The following SEMA6D variants were observed in gnomAD, a reference collection of about 807,000 sequenced individuals.
SEMA6D encodes the protein semaphorin 6D, also known as semaphorin-6D.
A neutral mutation model predicts 106.6 loss-of-function variants in SEMA6D; 35 were observed. That is an observed-to-expected ratio of 0.33 (90% CI 0.25 to 0.44). The LOEUF (loss-of-function observed/expected upper bound fraction) is 0.44. Among genes scored for constraint, SEMA6D ranks in the 20% least tolerant of loss-of-function variants. The pLI is 1.00. For missense variants in SEMA6D, 1,185 were observed against 1,345.9 expected (o/e 0.88, Z 1.87); for synonymous variants, 499 against 487.7 (o/e 1.02, Z -0.31).
chr15:47,489,845 T>C (rs2043416944), intron 3 of SEMA6D, among the ~76,000 whole-genome samples: 1 of 152,034 alleles, frequency 6.6e-6, no homozygotes, highest in African/African-American at 2.4e-5. Context: ...AGAGATAGGG[T>C]TTCATCACGT....
At chr15:47,294,230 C>T (rs2035712309) in intron 1 of SEMA6D, among the ~76,000 whole-genome samples, 1 of 151,538 alleles carries the variant, frequency 6.6e-6, no homozygotes, top group African/African-American at 2.4e-5. Flanking sequence ...TTATTTAAAT[C>T]TCTCTCTCTC....
chr15:47,415,238 CT>C (rs1421164098), intron 2 of SEMA6D, among the ~76,000 whole-genome samples: 1 of 152,178 alleles, frequency 6.6e-6, no homozygotes, highest in Non-Finnish European at 1.5e-5. Flanking sequence ...ATCATTATAA[CT>C]TTCCCTGAAT....
intron 1 of SEMA6D, among the ~76,000 whole-genome samples, chr15:47,361,276 C>A (rs1036388822): frequency 6.6e-6 from 1 of 152,210 alleles, no homozygotes; most frequent in African/African-American, 2.4e-5. Flanking sequence ...GCCATGGTTT[C>A]ATTCAGTCAA....
chr15:47,630,896 C>T (rs1255038485), intron 4 of SEMA6D, among the ~76,000 whole-genome samples: 1 of 151,776 alleles, frequency 6.6e-6, no homozygotes, highest in African/African-American at 2.4e-5. Flanking sequence ...TAGAGTATTA[C>T]ATTGATTTAT....
chr15:47,675,993 G>T (rs2078237443), intron 4 of SEMA6D, among the ~76,000 whole-genome samples: 1 of 152,120 alleles, frequency 6.6e-6, no homozygotes. Context: ...GCTGCCCCTG[G>T]CAGTGGCTGT....
intron 1 of SEMA6D, among the ~76,000 whole-genome samples, chr15:47,340,990 C>A (rs772514761): frequency 6.6e-6 from 1 of 152,148 alleles, no homozygotes; most frequent in African/African-American, 2.4e-5. Flanking sequence ...ATGCCTTGAA[C>A]CCTTCACACA....
At chr15:47,635,716 G>C (rs1310255655) in intron 4 of SEMA6D, among the ~76,000 whole-genome samples, 1 of 152,050 alleles carries the variant, frequency 6.6e-6, no homozygotes, top group Non-Finnish European at 1.5e-5. Flanking sequence ...GGTATCTGGA[G>C]AATCAGTTGA....
chr15:47,431,835 A>G (rs2041537044), intron 2 of SEMA6D, among the ~76,000 whole-genome samples: 1 of 152,148 alleles, frequency 6.6e-6, no homozygotes, highest in Admixed American at 6.6e-5. Flanking sequence ...TGACTAAAAG[A>G]TATCTTAGTG....
At chr15:47,330,873 G>A (rs1456104717) in intron 1 of SEMA6D, among the ~76,000 whole-genome samples, 1 of 151,934 alleles carries the variant, frequency 6.6e-6, no homozygotes, top group African/African-American at 2.4e-5. Flanking sequence ...TAGGACATGA[G>A]GTATGGACAC....
intron 1 of SEMA6D, among the ~76,000 whole-genome samples, chr15:47,259,682 G>C (rs1172893897): frequency 6.6e-6 from 1 of 151,924 alleles, no homozygotes; most frequent in Non-Finnish European, 1.5e-5. Flanking sequence ...TATCTTATTT[G>C]GCATTACCAG....
At chr15:47,296,868 G>C (rs571691347) in intron 1 of SEMA6D, among the ~76,000 whole-genome samples, 1 of 152,270 alleles carries the variant, frequency 6.6e-6, no homozygotes, top group Non-Finnish European at 1.5e-5. Flanking sequence ...GAGTTGGTAG[G>C]CACGTGGCTG....
Position 47,486,758 on chromosome 15 carries a change from G to A in SEMA6D, c.-87+16213G>A, listed in dbSNP as rs114998009. On this transcript the variant is annotated intron_variant, in intron 3 of 19. Coordinates refer to the SEMA6D transcript ENST00000558014. ...ATAGGAGAGAAGAATTTAAACTAAG[G>A]ATTTAATTGATGACACAGGTGCTAA... 5.3e-3 allele frequency among the ~76,000 whole-genome samples: 814 copies of A among 152,284 alleles called. 6 individuals carry two copies. The highest frequency in any genetic ancestry group is 0.019 in the African/African-American group (779 of 41,550).
chr15:47,503,496 G>A (rs746122798), intron 3 of SEMA6D, among the ~76,000 whole-genome samples: 2 of 152,176 alleles, frequency 1.3e-5, no homozygotes, highest in African/African-American at 4.8e-5. Context: ...TTCCATAGCT[G>A]TAAAATGGGA....
intron 4 of SEMA6D, among the ~76,000 whole-genome samples, chr15:47,650,994 A>G (rs1166132091): frequency 3.9e-5 from 6 of 152,182 alleles, no homozygotes; most frequent in African/African-American, 1.2e-4. Context: ...GTGATTGTCT[A>G]TGTGCTATTT....
chr15:47,746,984 G>GTATATATATA (rs3985864), intron 1 of SEMA6D, among the ~76,000 whole-genome samples: 3,166 of 121,878 alleles, frequency 0.026, 133 homozygotes, highest in African/African-American at 0.08. Flanking sequence ...GTGTGTGTGT[G>GTATATATATA]TATATATATA....
chr15:47,510,576 G>T (rs904807885), intron 3 of SEMA6D, among the ~76,000 whole-genome samples: 1 of 152,226 alleles, frequency 6.6e-6, no homozygotes. Flanking sequence ...TGGTCTGAAG[G>T]AGTTTTCAAT....
chr15:47,455,419 C>T (rs915383506), intron 2 of SEMA6D, among the ~76,000 whole-genome samples: 7 of 151,940 alleles, frequency 4.6e-5, no homozygotes, highest in African/African-American at 1.7e-4. Context: ...AATGAAACTA[C>T]ATTCATGCAT....
At chr15:47,595,483 C>T (rs1306342923) in intron 3 of SEMA6D, among the ~76,000 whole-genome samples, 1 of 152,016 alleles carries the variant, frequency 6.6e-6, no homozygotes, top group African/African-American at 2.4e-5. Flanking sequence ...TACTAGTACT[C>T]TTGTTGTTGT....
chr15:47,431,545 CCTT>C (rs1385694786), intron 2 of SEMA6D, among the ~76,000 whole-genome samples: 2 of 152,138 alleles, frequency 1.3e-5, no homozygotes, highest in African/African-American at 2.4e-5. Flanking sequence ...ACTAACCACA[CCTT>C]CTTGGTAGAC....
Sources: allele counts gnomAD v4.1 joint callset (sites outside exome capture counted in the v4.1 genomes callset), GRCh38; gene constraint gnomAD v4.1.1; transcripts MANE v1.5; gene names NCBI Gene and HGNC (gene_info 2026-07-23, HGNC 2026-07-21).